SPOCK3: variants seen among roughly 807,000 people sequenced by gnomAD.
SPOCK3 encodes the protein testican-3.
A neutral mutation model predicts 56.6 loss-of-function variants in SPOCK3; 30 were observed. The ratio of observed to expected loss-of-function variants is 0.53; its 90% confidence interval spans 0.40 to 0.72. SPOCK3 has a LOEUF of 0.72. SPOCK3 is among the 30% of genes least tolerant of loss of function. The probability of loss-of-function intolerance (pLI) is 0.00; values close to 1 mark genes in which losing one functional copy is unlikely to be tolerated. For missense variants in SPOCK3, 527 were observed against 530.0 expected (o/e 0.99, Z 0.06); for synonymous variants, 196 against 183.3 (o/e 1.07, Z -0.56).
chr4:167,021,327 T>G (rs986238710), intron 3 of SPOCK3, among the ~76,000 whole-genome samples: 13 of 152,068 alleles, frequency 8.5e-5, no homozygotes, highest in African/African-American at 3.1e-4. Context: ...ATGATTTTCT[T>G]TATTGTTGTC....
chr4:167,229,482 A>G (rs1736933219), intron 2 of SPOCK3, among the ~76,000 whole-genome samples: 1 of 152,156 alleles, frequency 6.6e-6, no homozygotes, highest in Non-Finnish European at 1.5e-5. Context: ...TTCTAACAAC[A>G]GTAGAAGTTG....
chr4:166,972,722 C>T (rs1745519768), intron 4 of SPOCK3, among the ~76,000 whole-genome samples: 1 of 151,832 alleles, frequency 6.6e-6, no homozygotes, highest in African/African-American at 2.4e-5. Flanking sequence ...TATTGATCAA[C>T]AACTGACTGG....
chr4:167,002,514 C>T (rs576864251), intron 3 of SPOCK3, among the ~76,000 whole-genome samples: 30 of 152,182 alleles, frequency 2.0e-4, no homozygotes, highest in Non-Finnish European at 2.6e-4. Context: ...TTTCTCCATA[C>T]TAAGATAATT....
chr4:166,882,185 A>G (rs1263409942), intron 6 of SPOCK3, among the ~76,000 whole-genome samples: 2 of 152,204 alleles, frequency 1.3e-5, no homozygotes, highest in Admixed American at 6.5e-5. Context: ...TCAGCATGAT[A>G]TAAGTTAAAG....
chr4:166,753,114 T>C (rs1173712531), intron 8 of SPOCK3, among the ~76,000 whole-genome samples: 3 of 151,986 alleles, frequency 2.0e-5, no homozygotes, highest in Non-Finnish European at 4.4e-5. Context: ...TCGATTTCTG[T>C]AGACAAAGCA....
intron 4 of SPOCK3, among the ~76,000 whole-genome samples, chr4:166,977,267 T>C (rs944562741): frequency 3.9e-5 from 6 of 152,136 alleles, no homozygotes; most frequent in Non-Finnish European, 7.4e-5. Flanking sequence ...AGAGATTGAT[T>C]AACTTATTTT....
chr4:166,739,175 G>C (rs1734564334), intron 9 of SPOCK3, among the ~76,000 whole-genome samples: 1 of 152,280 alleles, frequency 6.6e-6, no homozygotes, highest in Non-Finnish European at 1.5e-5. Flanking sequence ...ACCGGTGTGA[G>C]ATGGTATCTC....
chr4:167,035,996 G>A lies in SPOCK3; in HGVS notation c.235+26496C>T, dbSNP rs553370574. Among the ~76,000 whole-genome samples, 38 of 152,178 alleles carry A rather than the reference G, an allele frequency of 2.5e-4. 1 individual carries two copies. The highest frequency in any genetic ancestry group is 6.8e-3 in the Middle Eastern group (2 of 294). Reference sequence around the variant, plus strand: ...TCACCATAGCTTAAATATCACTACAGATTACATTTGAGCTTCCGCTGAACG... The same window carrying A: ...TCACCATAGCTTAAATATCACTACAAATTACATTTGAGCTTCCGCTGAACG... On this transcript the variant is annotated intron_variant, in intron 3 of 10. Transcript: ENST00000357545.
chr4:166,902,055 G>A (rs1283404120), intron 5 of SPOCK3, among the ~76,000 whole-genome samples: 1 of 152,122 alleles, frequency 6.6e-6, no homozygotes, highest in African/African-American at 2.4e-5. Context: ...CAGAGGCACT[G>A]ACAGCTTTTG....
chr4:166,908,272 T>TCACACACACA (rs5863846), intron 5 of SPOCK3, among the ~76,000 whole-genome samples: 29 of 138,550 alleles, frequency 2.1e-4, no homozygotes, highest in African/African-American at 6.2e-4. Context: ...ATGTTATTGT[T>TCACACACACA]CACACACACA....
At chr4:166,799,848 T>C (rs1369811583) in intron 6 of SPOCK3, among the ~76,000 whole-genome samples, 2 of 151,888 alleles carry the variant, frequency 1.3e-5, no homozygotes, top group African/African-American at 4.8e-5. Flanking sequence ...CAGTGAAAGA[T>C]TTAGCAGAAA....
chr4:167,140,336 G>A (rs984508891), intron 2 of SPOCK3, among the ~76,000 whole-genome samples: 2 of 152,022 alleles, frequency 1.3e-5, no homozygotes, highest in Non-Finnish European at 2.9e-5. Flanking sequence ...ACTGGAAAAT[G>A]TTATACATAT....
chr4:166,872,969 T>G (rs1732640172), intron 6 of SPOCK3, among the ~76,000 whole-genome samples: 1 of 151,890 alleles, frequency 6.6e-6, no homozygotes, highest in African/African-American at 2.4e-5. Context: ...GAAGGCAGAG[T>G]CTTTTTAACA....
intron 2 of SPOCK3, among the ~76,000 whole-genome samples, chr4:167,191,220 TTGTA>T (rs1732448884): frequency 6.9e-6 from 1 of 145,736 alleles, no homozygotes; most frequent in African/African-American, 2.6e-5. Flanking sequence ...TTAACATTGA[TTGTA>T]TGGATATTTT....
intron 6 of SPOCK3, among the ~76,000 whole-genome samples, chr4:166,829,623 T>C (rs1745830472): frequency 6.6e-6 from 1 of 152,128 alleles, no homozygotes. Context: ...CAAATTTTTA[T>C]TGAGGAAGTT....
chr4:166,969,821 T>C (rs1019849315), intron 4 of SPOCK3, among the ~76,000 whole-genome samples: 1 of 152,200 alleles, frequency 6.6e-6, no homozygotes, highest in East Asian at 1.9e-4. Flanking sequence ...TCCTTTTTTT[T>C]AGGTAATTCA....
chr4:166,754,075 G>A (rs17645192), intron 8 of SPOCK3: 302,408 of 937,868 alleles, frequency 0.32, 49,713 homozygotes, highest in Admixed American at 0.42. Context: ...ACTTTATGGT[G>A]AATGCTCTGG....
intron 2 of SPOCK3, among the ~76,000 whole-genome samples, chr4:167,153,434 C>A (rs1458650464): frequency 1.3e-5 from 2 of 152,090 alleles, no homozygotes; most frequent in Non-Finnish European, 1.5e-5. Context: ...GGATTGCTGT[C>A]CCATATGTGA....
At chr4:166,787,174 A>G (rs1012099836) in intron 7 of SPOCK3, among the ~76,000 whole-genome samples, 25 of 152,240 alleles carry the variant, frequency 1.6e-4, no homozygotes, top group African/African-American at 6.0e-4. Context: ...GATAGTAAAA[A>G]TGACCATTTT....
Sources: gnomAD v4.1 joint callset for allele counts (sites outside exome capture counted in the v4.1 genomes callset) on GRCh38, gnomAD v4.1.1 for gene constraint, MANE v1.5 for transcripts, NCBI Gene and HGNC (gene_info 2026-07-23, HGNC 2026-07-21) for gene names.